The following RFTN1 variants were observed in gnomAD, a reference collection of about 807,000 sequenced individuals.
The protein encoded by RFTN1 is raftlin.
A neutral mutation model predicts 46.5 loss-of-function variants in RFTN1; 26 were observed. The observed-to-expected ratio is 0.56, with a 90% CI of 0.41 to 0.78. The LOEUF (loss-of-function observed/expected upper bound fraction) is 0.78, where lower values mean the gene tolerates loss of function less well. Ranked by LOEUF, RFTN1 falls within the 30% of genes least tolerant of loss-of-function variation. The pLI is 0.00. For missense variants in RFTN1, 693 were observed against 718.7 expected (o/e 0.96, Z 0.41); for synonymous variants, 261 against 284.2 (o/e 0.92, Z 0.82).
In RFTN1 at chr3:16,440,896, G is replaced by T. The variant is rs1486500312; in HGVS notation, c.146-6859C>A. 6.6e-6 allele frequency among the ~76,000 whole-genome samples: 1 copy of T among 152,146 alleles called. No individual in the cohort carries two copies. The highest frequency in any genetic ancestry group is 1.9e-4 in the East Asian group (1 of 5,198). On this transcript the variant is annotated intron_variant, in intron 2 of 9. Coordinates refer to ENST00000334133, the MANE Select transcript of RFTN1 (RefSeq NM_015150.2). The surrounding 1 kb of genome is among the most constrained non-coding windows in gnomAD (Gnocchi z 4.6). ...ATGCCCCGCACTTCTTCCTATTTCT[G>T]ATCCTGCCACTGTCCAGGCGCAGTG...
chr3:16,419,028 G>A (rs1176237764), intron 3 of RFTN1, among the ~76,000 whole-genome samples: 1 of 152,210 alleles, frequency 6.6e-6, no homozygotes, highest in Non-Finnish European at 1.5e-5. Context: ...ATGGAAGTTA[G>A]TCATGGGACA....
chr3:16,334,937 G>C lies in RFTN1; in HGVS notation c.1147-8061C>G, dbSNP rs1228695683. Among the ~76,000 whole-genome samples the C allele has an allele frequency of 6.6e-6, 1 of 152,190 alleles. No homozygotes were observed. The highest frequency in any genetic ancestry group is 6.5e-5 in the Admixed American group (1 of 15,288). On this transcript the variant is annotated intron_variant, in intron 7 of 9. Transcript: ENST00000334133. The surrounding 1 kb of genome is among the most constrained non-coding windows in gnomAD (Gnocchi z 4.3). Reference sequence around the variant, plus strand: ...GATGTGATGGCAGCAGCAGAGGCTGGAGTGATGCAGGGAAGGGGCCACGAG... The same window carrying C: ...GATGTGATGGCAGCAGCAGAGGCTGCAGTGATGCAGGGAAGGGGCCACGAG...
intron 1 of RFTN1, among the ~76,000 whole-genome samples, chr3:16,508,284 G>A (rs940883955): frequency 3.3e-5 from 5 of 152,138 alleles, no homozygotes; most frequent in Non-Finnish European, 5.9e-5. Context: ...CCTGCACCCC[G>A]GAGGCAGGTC....
rs543029109 is a variant in RFTN1 at position 16,483,067 on chromosome 3, C to G, written c.145+10658G>C. On this transcript the variant is annotated intron_variant, in intron 2 of 9. Transcript: ENST00000334133. This position sits in a 1 kb window ranked among gnomAD's most constrained non-coding sequence, Gnocchi z 4.8. ...TTTTACTTAGAAAAAATGCCATCAA[C>G]GTCAGTGACTGTATGCTCAGTTCTG... 1.3e-5 allele frequency among the ~76,000 whole-genome samples: 2 copies of G among 152,182 alleles called. No individual in the cohort carries two copies. Among genetic ancestry groups the G allele is most frequent in the African/African-American group, 4.8e-5 (2 of 41,436 alleles).
chr3:16,395,986 T>C (rs2074458382), intron 4 of RFTN1, among the ~76,000 whole-genome samples: 1 of 152,230 alleles, frequency 6.6e-6, no homozygotes, highest in Non-Finnish European at 1.5e-5. Flanking sequence ...TTTGGATATA[T>C]TGGGTTAAAT....
intron 3 of RFTN1, among the ~76,000 whole-genome samples, chr3:16,417,624 A>C (rs1575259609): frequency 6.6e-6 from 1 of 151,990 alleles, no homozygotes; most frequent in East Asian, 1.9e-4. Context: ...ACTCACCACC[A>C]CCCTAGCGTC....
intron 1 of RFTN1, among the ~76,000 whole-genome samples, chr3:16,511,039 G>A (rs1267802372): frequency 2.6e-5 from 4 of 152,160 alleles, no homozygotes; most frequent in Non-Finnish European, 4.4e-5. Flanking sequence ...CAATATTGCA[G>A]AATTCCATTT....
Position 16,402,083 on chromosome 3 carries a change from T to C in RFTN1, c.441+7292A>G, listed in dbSNP as rs185756386. ...GTCCCCCTGACCCCTCAAGTCTTCA[T>C]ACAACCATCCCCATTCTCATCACCT... On this transcript the variant is annotated intron_variant, in intron 4 of 9. Transcript: ENST00000334133. This position sits in a 1 kb window ranked among gnomAD's most constrained non-coding sequence, Gnocchi z 4.5. Among the ~76,000 whole-genome samples the C allele has an allele frequency of 2.0e-5, 3 of 152,314 alleles. No individual in the cohort carries two copies. Among genetic ancestry groups the C allele is most frequent in the Admixed American group, 1.3e-4 (2 of 15,292 alleles).
chr3:16,404,350 TAATATATATACAC>T (rs1452589306), intron 4 of RFTN1, among the ~76,000 whole-genome samples: 23 of 38,984 alleles, frequency 5.9e-4, no homozygotes, highest in South Asian at 2.2e-3. Flanking sequence ...ATATAATATA[TAATATATATACAC>T]AATATATAAT....
At position 16,335,776 on chromosome 3, in the gene RFTN1, T is replaced by TAA. The variant is rs540104859; in HGVS notation, c.1147-8902_1147-8901dup. 6.8e-4 allele frequency among the ~76,000 whole-genome samples: 93 copies of TAA among 136,656 alleles called. 1 individual carries two copies. Among genetic ancestry groups the TAA allele is most frequent in the African/African-American group, 1.8e-3 (67 of 37,768 alleles). 89.7% of individuals were successfully genotyped at this position (136,656 alleles called of 152,430 possible). ...ATCCTGCACTTGCACCCTGGAACTTTAAAAAAAAAAAAAAAAAAAGGAGTT... is the reference window on the plus strand; with the variant it reads ...ATCCTGCACTTGCACCCTGGAACTTTAAAAAAAAAAAAAAAAAAAAAGGAGTT... On this transcript the variant is annotated intron_variant, in intron 7 of 9. Transcript: ENST00000334133. The surrounding 1 kb of genome is among the most constrained non-coding windows in gnomAD (Gnocchi z 4.7).
rs1022797193 is a variant in RFTN1 at position 16,321,432 on chromosome 3, G to C, written c.1332+1944C>G. On this transcript the variant is annotated intron_variant, in intron 9 of 9. Transcript: ENST00000334133. The surrounding 1 kb of genome is among the most constrained non-coding windows in gnomAD (Gnocchi z 4.8). ...GAGTGGGGGTGGTCCCAACATCCGG[G>C]CTGCAAGAGCTCAGGCATGATGAGG... Among the ~76,000 whole-genome samples the C allele has an allele frequency of 6.6e-6, 1 of 152,158 alleles. No homozygotes were observed. Among genetic ancestry groups the C allele is most frequent in the African/African-American group, 2.4e-5 (1 of 41,434 alleles).
chr3:16,495,061 G>A (rs540313730), intron 1 of RFTN1, among the ~76,000 whole-genome samples: 32 of 152,170 alleles, frequency 2.1e-4, no homozygotes, highest in African/African-American at 7.2e-4. Flanking sequence ...GCGACAACCA[G>A]GCTCTACTTT....
intron 2 of RFTN1, chr3:16,471,816 A>G (rs1047823206): frequency 6.6e-6 from 1 of 152,200 alleles, no homozygotes; most frequent in Admixed American, 6.5e-5. Context: ...ACTATTTTTT[A>G]TTCCTTTGAA....
intron 1 of RFTN1, among the ~76,000 whole-genome samples, chr3:16,505,659 G>A (rs868270754): frequency 6.6e-6 from 1 of 152,288 alleles, no homozygotes; most frequent in Middle Eastern, 3.4e-3. Context: ...GCTTTCAACT[G>A]AATGGATGAG....
rs930336093 is a variant in RFTN1 at position 16,387,163 on chromosome 3, G to C, written c.442-9061C>G. Among the ~76,000 whole-genome samples, 3 of 152,058 alleles carry C rather than the reference G, an allele frequency of 2.0e-5. No individual in the cohort carries two copies. The highest frequency in any genetic ancestry group is 2.9e-5 in the Non-Finnish European group (2 of 68,034). On this transcript the variant is annotated intron_variant, in intron 4 of 9. Coordinates refer to ENST00000334133, the MANE Select transcript of RFTN1 (RefSeq NM_015150.2). This position sits in a 1 kb window ranked among gnomAD's most constrained non-coding sequence, Gnocchi z 5.2. ...ATCACTCTCCTCCTATTATATCCTT[G>C]GCTTTCTCTGTCTGACACATCCCAC...
At chr3:16,331,404 A>G (rs2070297452) in intron 7 of RFTN1, among the ~76,000 whole-genome samples, 1 of 152,218 alleles carries the variant, frequency 6.6e-6, no homozygotes, top group Non-Finnish European at 1.5e-5. Flanking sequence ...TGTAATTTAA[A>G]GTAAATCAAA....
chr3:16,365,808 C>T (rs1388330787), intron 6 of RFTN1, among the ~76,000 whole-genome samples: 1 of 146,394 alleles, frequency 6.8e-6, no homozygotes, highest in African/African-American at 2.4e-5. Flanking sequence ...TGAGCCCTGA[C>T]CAGATGAAAC....
In RFTN1 at chr3:16,500,265, T is replaced by C. The variant is rs1398385780; in HGVS notation, c.-8-6388A>G. On this transcript the variant is annotated intron_variant, in intron 1 of 9. Transcript: ENST00000334133. This position sits in a 1 kb window ranked among gnomAD's most constrained non-coding sequence, Gnocchi z 5.9. ...CACCTAATGTCAATCAGATTACCTA[T>C]TTTATGTGTGAGTTCATTGTTGGAT... Among the ~76,000 whole-genome samples the C allele has an allele frequency of 5.3e-5, 8 of 152,216 alleles. No individual in the cohort carries two copies. Among genetic ancestry groups the C allele is most frequent in the African/African-American group, 1.9e-4 (8 of 41,450 alleles).
intron 1 of RFTN1, among the ~76,000 whole-genome samples, chr3:16,505,068 C>T (rs373948137): frequency 6.6e-6 from 1 of 152,218 alleles, no homozygotes; most frequent in African/African-American, 2.4e-5. Flanking sequence ...GCCATCGCAA[C>T]AGCTACCAAC....
Sources: gnomAD v4.1 joint callset for allele counts (sites outside exome capture counted in the v4.1 genomes callset) on GRCh38, gnomAD v4.1.1 for gene constraint, Gnocchi (gnomAD v3.1) non-coding constraint, MANE v1.5 for transcripts, NCBI Gene and HGNC (gene_info 2026-07-23, HGNC 2026-07-21) for gene names.